The following STAB1 variants were observed in gnomAD, a reference collection of about 807,000 sequenced individuals.
STAB1 encodes stabilin-1.
A neutral mutation model predicts 332.4 loss-of-function variants in STAB1; 250 were observed. That is an observed-to-expected ratio of 0.75 (90% confidence interval 0.68 to 0.84). The LOEUF (loss-of-function observed/expected upper bound fraction) is 0.84. Among genes scored for constraint, STAB1 ranks in the 40% least tolerant of loss-of-function variants. STAB1 has a pLI of 0.00. For missense variants in STAB1, 3,249 were observed against 3,489.7 expected (o/e 0.93, Z 1.74); for synonymous variants, 1,475 against 1,390.4 (o/e 1.06, Z -1.35).
intron 22 of STAB1, 75 bp downstream of exon 22, chr3:52,509,396 G>A: frequency 7.9e-7 from 1 of 1,266,860 alleles, no homozygotes; most frequent in Non-Finnish European, 1.1e-6. Context: ...GGGCTCTCAA[G>A]AAGGGAAACG....
At position 52,521,602 on chromosome 3, in the gene STAB1, G is replaced by A. The variant is rs774412437; in HGVS notation, c.6065G>A (p.Arg2022His). Residue 2022 changes from arginine (R) to histidine (H), a missense_variant, in exon 57 of 69, where the codon CGC becomes CAC. By Grantham distance (29) the Arg-to-His change is conservative. Coordinates refer to ENST00000321725, the MANE Select transcript of STAB1 (RefSeq NM_015136.3). ...GAFGPHCQAC[R>H]CTVHGRCDEG... ...TGCCTGTCCCTCTCCCCAGCCTGCC[G>A]CTGCACTGTGCATGGCCGCTGTGAT... The A allele has an allele frequency of 1.1e-5, 17 of 1,612,640 alleles. No individual in the cohort carries two copies. In the Admixed American group the frequency reaches 1.7e-4, roughly 16 times the overall value.
chr3:52,502,759 G>A, intron 6 of STAB1, 32 bp downstream of exon 6: 2 of 1,597,788 alleles, frequency 1.3e-6, no homozygotes, highest in Non-Finnish European at 1.7e-6. Flanking sequence ...GCCTAGGGCA[G>A]CAGGTCCCTG....
At position 52,519,417 on chromosome 3, in the gene STAB1, C is replaced by A; in HGVS notation, c.5175+13C>A. 6.2e-7 allele frequency: 1 copy of A among 1,612,776 alleles called. No homozygotes were observed. Among genetic ancestry groups the A allele is most frequent in the Non-Finnish European group, 8.5e-7 (1 of 1,179,728 alleles). On this transcript the variant is annotated intron_variant, in intron 49 of 68. Coordinates refer to ENST00000321725, the MANE Select transcript of STAB1 (RefSeq NM_015136.3). The stretch of plus-strand genomic sequence containing the variant: ...TCCCATCCCGAGGGTATGACAAGCA[C>A]GGGCCTGGGAGCTGGAAGACAGGCA...
Position 52,514,301 on chromosome 3 carries a change from G to A in STAB1, c.3547-64G>A, listed in dbSNP as rs575615000. 4 of 1,585,878 alleles carry A rather than the reference G, an allele frequency of 2.5e-6. No homozygotes were observed. The Admixed American group carries it at 5.1e-5, about 20-fold the overall frequency. On this transcript the variant is annotated intron_variant, in intron 33 of 68. Coordinates refer to ENST00000321725, the MANE Select transcript of STAB1 (RefSeq NM_015136.3). Reference sequence around the variant, plus strand: ...CCCACCACGAAGGGACACAGTGGGTGTGGCGTGCTGTCCAGGGCACTTGGT... The same window carrying A: ...CCCACCACGAAGGGACACAGTGGGTATGGCGTGCTGTCCAGGGCACTTGGT...
intron 7 of STAB1, 79 bp from the exon 8 acceptor site, chr3:52,503,265 G>A (rs531576954): frequency 1.4e-5 from 22 of 1,530,358 alleles, no homozygotes; most frequent in African/African-American, 2.7e-5. Context: ...TGCTGGCCCC[G>A]GCCTTCCTGG....
At chr3:52,507,225 A>C (rs1017481863) in intron 18 of STAB1, among the ~76,000 whole-genome samples, 1 of 152,162 alleles carries the variant, frequency 6.6e-6, no homozygotes, top group Admixed American at 6.5e-5. Flanking sequence ...TTGTATTTTT[A>C]GTAGAGATGG....
chr3:52,510,461 G>A lies in STAB1; in HGVS notation c.2741G>A (p.Gly914Asp), dbSNP rs768718267. 15 of 1,613,440 alleles carry A rather than the reference G, an allele frequency of 9.3e-6. No homozygotes were observed. Among genetic ancestry groups the A allele is most frequent in the Non-Finnish European group, 1.3e-5 (15 of 1,179,980 alleles). Residue 914 changes from glycine to aspartate, a missense_variant, in exon 25 of 69, where the codon GGT (glycine) becomes GAT (aspartate). By Grantham distance (94) the Gly-to-Asp change is moderately conservative. Transcript: ENST00000321725. Reference protein sequence around the residue: ...AIDECELDMRGGCHTDALCSY... With the variant: ...AIDECELDMRDGCHTDALCSY... The stretch of plus-strand genomic sequence containing the variant: ...GACGAGTGTGAGCTGGACATGAGAG[G>A]TGGCTGCCACACCGATGCCCTCTGC...
chr3:52,508,097 G>T, intron 20 of STAB1, 71 bp downstream of exon 20: 1 of 1,481,154 alleles, frequency 6.8e-7, no homozygotes, highest in Non-Finnish European at 9.3e-7. Flanking sequence ...CCCCCAAGCT[G>T]GGGCTGAGTG....
rs977796385 is a variant in STAB1 at position 52,501,529 on chromosome 3, C to T, written c.216-109C>T. The T allele has an allele frequency of 3.4e-6, 4 of 1,167,866 alleles. No individual in the cohort carries two copies. In the African/African-American group the frequency reaches 6.1e-5, roughly 18 times the overall value. 72.3% of individuals were successfully genotyped at this position (1,167,866 alleles called of 1,614,324 possible). A position where few individuals can be genotyped will look rare whatever the true frequency, so the allele number is the denominator to read the frequency against. On this transcript the variant is annotated intron_variant, in intron 2 of 68. Transcript: ENST00000321725. ...CTAGGCCCTGTGCTCAGCTCTGGGC[C>T]AGGCAGAGCAGGGAGGTGGGTGGGA...
Position 52,514,367 on chromosome 3 carries a change from C to G in STAB1, c.3549C>G (p.Asp1183Glu). 5 of 1,544,730 alleles carry G rather than the reference C, an allele frequency of 3.2e-6. No homozygotes were observed. The highest frequency in any genetic ancestry group is 4.4e-6 in the Non-Finnish European group (5 of 1,143,250). The part of the protein sequence containing the change: ...LEAQGNSSHL[D>E]ADTVRHHVVL... Reference sequence around the variant, plus strand: ...TGGGTTCTCTCCTTCTCTTCCAGGACGCAGACACAGTGCGGCACCATGTGG... The same window carrying G: ...TGGGTTCTCTCCTTCTCTTCCAGGAGGCAGACACAGTGCGGCACCATGTGG... Residue 1183 changes from aspartate (D) to glutamate (E), a missense_variant and splice_region_variant, in exon 34 of 69, where the codon GAC (aspartate) becomes GAG (glutamate). By Grantham distance (45) the Asp-to-Glu change is conservative. Transcript: ENST00000321725.
At chr3:52,516,266 G>GGCGGGGGCGGC in intron 38 of STAB1, 28 bp downstream of exon 38, 1 of 794,430 alleles carries the variant, frequency 1.3e-6, no homozygotes, top group Non-Finnish European at 2.2e-6. Flanking sequence ...GCGGGGGTGG[G>GGCGGGGGCGGC]CCTCCTGGCA....
At position 52,524,188 on chromosome 3, in the gene STAB1, G is replaced by A; in HGVS notation, c.7631G>A (p.Ser2544Asn). The A allele has an allele frequency of 6.2e-7, 1 of 1,614,106 alleles. No homozygotes were observed. Among genetic ancestry groups the A allele is most frequent in the South Asian group, 1.1e-5 (1 of 91,092 alleles). ...TCTGTCCCCAACCCTGTCTTTGGCA[G>A]CGACACCTTTTGTGAACCCTTCGAT... ...LVSVPNPVFG[S>N]DTFCEPFDDS... The change falls in exon 68 of 69, where the codon AGC (serine) becomes AAC (asparagine). Residue 2544 changes from serine to asparagine, a missense_variant. Physicochemically the swap from Ser to Asn is conservative, Grantham distance 46. Transcript: ENST00000321725.
rs756254634 is a variant in STAB1 at position 52,516,562 on chromosome 3, C to G, written c.4261C>G (p.Pro1421Ala). The G allele has an allele frequency of 6.2e-7, 1 of 1,613,224 alleles. No individual in the cohort carries two copies. Among genetic ancestry groups the G allele is most frequent in the East Asian group, 2.2e-5 (1 of 44,876 alleles). The change falls in exon 40 of 69, where the codon CCT (proline) becomes GCT (alanine). Residue 1421 changes from proline to alanine, a missense_variant. Coordinates refer to ENST00000321725, the MANE Select transcript of STAB1 (RefSeq NM_015136.3). ...CDQKITSPQC[P>A]RKCDPNANCV... ...CCCAGAAATCACCAGCCCTCAGTGC[C>G]CTAGGAAGTGCGACCCCAATGCCAA... is the stretch of plus-strand genomic sequence containing the variant.
At position 52,511,702 on chromosome 3, in the gene STAB1, C is replaced by A; in HGVS notation, c.2840C>A (p.Pro947His). 6.2e-7 allele frequency: 1 copy of A among 1,608,656 alleles called. No individual in the cohort carries two copies. Among genetic ancestry groups the A allele is most frequent in the Non-Finnish European group, 8.5e-7 (1 of 1,177,272 alleles). Residue 947 changes from proline (P) to histidine (H), a missense_variant, in exon 26 of 69, where the codon CCC (proline) becomes CAC (histidine). Pro to His is a moderately conservative substitution (Grantham distance 77, BLOSUM62 -2). Coordinates refer to ENST00000321725, the MANE Select transcript of STAB1 (RefSeq NM_015136.3). ...GCCGGGGATGGCTACCAGTGCAGCC[C>A]CATCGACCCCTGCCGGGCAGGCAAT... ...GFAGDGYQCS[P>H]IDPCRAGNGG...
At chr3:52,501,350 G>T (rs761218392) in intron 2 of STAB1, 48 bp downstream of exon 2, 1 of 1,594,612 alleles carries the variant, frequency 6.3e-7, no homozygotes, top group Admixed American at 1.7e-5. Flanking sequence ...ATCCTGTGGG[G>T]TGGCAGGGAC....
In STAB1 at chr3:52,503,784, T is replaced by A; in HGVS notation, c.904T>A (p.Cys302Ser). ...YQKPGQAFCT[C>S]RPGLVSINSN... ...TGTCGGGGGCCAGGCCTTCTGCACCTGCCGGCCAGGCCTGGTCAGCATCAA... is the reference window on the plus strand; with the variant it reads ...TGTCGGGGGCCAGGCCTTCTGCACCAGCCGGCCAGGCCTGGTCAGCATCAA... The change falls in exon 9 of 69, where the codon TGC becomes AGC. Residue 302 changes from cysteine to serine, a missense_variant. Coordinates refer to ENST00000321725, the MANE Select transcript of STAB1 (RefSeq NM_015136.3). 2 of 1,613,180 alleles carry A rather than the reference T, an allele frequency of 1.2e-6. No homozygotes were observed. Among genetic ancestry groups the A allele is most frequent in the Non-Finnish European group, 1.7e-6 (2 of 1,180,024 alleles).
chr3:52,507,491 T>C, intron 18 of STAB1, 122 bp from the exon 19 acceptor site: 1 of 1,055,496 alleles, frequency 9.5e-7, no homozygotes, highest in Non-Finnish European at 1.4e-6. Flanking sequence ...ATGCCAGTGC[T>C]GGGCTTCCTG....
chr3:52,503,487 C>G lies in STAB1; in HGVS notation c.838C>G (p.Leu280Val), dbSNP rs1708605213. The G allele has an allele frequency of 6.2e-7, 1 of 1,613,646 alleles. No individual in the cohort carries two copies. The highest frequency in any genetic ancestry group is 8.5e-7 in the Non-Finnish European group (1 of 1,180,032). Residue 280 changes from leucine to valine, a missense_variant, in exon 8 of 69, where the codon CTT becomes GTT. Coordinates refer to ENST00000321725, the MANE Select transcript of STAB1 (RefSeq NM_015136.3). ...GCCCAAGGACCCATGCACTGACAACCTTGGTGGCTGCCCCAGCAACTCTAC... is the reference window on the plus strand; with the variant it reads ...GCCCAAGGACCCATGCACTGACAACGTTGGTGGCTGCCCCAGCAACTCTAC... ...CLPKDPCTDN[L>V]GGCPSNSTLC...
chr3:52,508,569 C>A (rs779867247), intron 21 of STAB1: 19 of 587,286 alleles, frequency 3.2e-5, no homozygotes, highest in Non-Finnish European at 5.3e-5. Flanking sequence ...TGCCTGTAAT[C>A]CCAGCACTTT....
Sources: allele counts gnomAD v4.1 joint callset (sites outside exome capture counted in the v4.1 genomes callset), GRCh38; gene constraint gnomAD v4.1.1; transcripts MANE v1.5; gene names NCBI Gene and HGNC (gene_info 2026-07-23, HGNC 2026-07-21).